Variants in ZCCHC14 observed in about 807,000 individuals in gnomAD.
ZCCHC14 encodes the protein zinc finger CCHC domain-containing protein 14.
ZCCHC14 carries 16 observed loss-of-function variants against 85.0 expected under a neutral mutation model. The observed-to-expected ratio is 0.19, with a 90% CI of 0.13 to 0.29. The LOEUF is 0.29. Among genes scored for constraint, ZCCHC14 ranks in the 10% least tolerant of loss-of-function variants. The pLI is 1.00. For missense variants in ZCCHC14, 1,303 were observed against 1,443.5 expected, an observed-to-expected ratio of 0.90 and a Z score of 1.58; for synonymous variants, 775 against 630.7, an observed-to-expected ratio of 1.23 and a Z score of -3.43.
At chr16:87,446,408 T>A (rs1052090282) in intron 2 of ZCCHC14, among the ~76,000 whole-genome samples, 1 of 150,186 alleles carries the variant, frequency 6.7e-6, no homozygotes, top group African/African-American at 2.5e-5. Context: ...CACTCGAACC[T>A]GGAAGGCAGA....
chr16:87,464,579 C>T (rs1337877463), intron 1 of ZCCHC14, among the ~76,000 whole-genome samples: 3 of 152,192 alleles, frequency 2.0e-5, no homozygotes, highest in African/African-American at 7.2e-5. Context: ...GCCACCCTAG[C>T]AAAACACACA....
At chr16:87,433,638 C>G (rs1597415066) in intron 2 of ZCCHC14, among the ~76,000 whole-genome samples, 1 of 152,254 alleles carries the variant, frequency 6.6e-6, no homozygotes, top group African/African-American at 2.4e-5. Context: ...AACACAGTCA[C>G]CTGGGGGGTC....
At position 87,411,526 on chromosome 16, in the gene ZCCHC14, G is replaced by C; in HGVS notation, c.3195C>G (p.Phe1065Leu). 3 of 1,613,522 alleles carry C rather than the reference G, an allele frequency of 1.9e-6. No homozygotes were observed. The highest frequency in any genetic ancestry group is 2.5e-6 in the Non-Finnish European group (3 of 1,180,024). ...AQDCKQPSMD[F>L]NRPGTFRLKY... ...ATGGCGCGCGCTTACCTGGCCGGTTGAAGTCCATGGACGGCTGTTTGCAGT... is the reference window on the plus strand; with the variant it reads ...ATGGCGCGCGCTTACCTGGCCGGTTCAAGTCCATGGACGGCTGTTTGCAGT... The change falls in exon 12 of 13, where the codon TTC becomes TTG. Residue 1065 changes from phenylalanine to leucine, a missense_variant. Transcript: ENST00000671377.
intron 1 of ZCCHC14, among the ~76,000 whole-genome samples, chr16:87,469,879 G>T (rs942953335): frequency 6.6e-6 from 1 of 152,168 alleles, no homozygotes; most frequent in Admixed American, 6.5e-5. Context: ...CGTGTTCCCT[G>T]CACTGGGGGC....
intron 1 of ZCCHC14, chr16:87,470,793 T>A (rs1702985209): frequency 6.6e-6 from 1 of 152,230 alleles, no homozygotes; most frequent in African/African-American, 2.4e-5. Flanking sequence ...AGAACGTACA[T>A]CAGTTGTGTG....
intron 4 of ZCCHC14, among the ~76,000 whole-genome samples, chr16:87,422,718 AGAGT>A (rs745814413): frequency 2.0e-5 from 3 of 151,988 alleles, no homozygotes; most frequent in East Asian, 3.9e-4. Context: ...TCTGGACAAC[AGAGT>A]GAGACTCCAT....
intron 8 of ZCCHC14, 87 bp from the exon 9 acceptor site, chr16:87,415,454 T>C (rs1003484975): frequency 9.5e-6 from 11 of 1,160,784 alleles, no homozygotes; most frequent in Admixed American, 3.7e-5. Flanking sequence ...TCAGTACATT[T>C]ATTCTGCCTC....
chr16:87,447,401 G>A (rs1220041316), intron 2 of ZCCHC14, among the ~76,000 whole-genome samples: 1 of 152,108 alleles, frequency 6.6e-6, no homozygotes, highest in Non-Finnish European at 1.5e-5. Context: ...ATGCCCATGT[G>A]ATCACTAATC....
At chr16:87,433,246 GTA>G in intron 2 of ZCCHC14, 45 bp from the exon 3 acceptor site, 1 of 1,548,774 alleles carries the variant, frequency 6.5e-7, no homozygotes, top group South Asian at 1.1e-5. Context: ...AGAGCTTGAA[GTA>G]TATACATGAT....
chr16:87,420,926 G>A lies in ZCCHC14; in HGVS notation c.841-210C>T, dbSNP rs868475235. On this transcript the variant is annotated intron_variant, in intron 4 of 12. Transcript: ENST00000671377. The surrounding 1 kb of genome is among the most constrained non-coding windows in gnomAD (Gnocchi z 5.0). Reference sequence around the variant, plus strand: ...GAACATCGCTCTCACAGTTACATCCGGAAAAGCTTGACAATCTGCACAATC... The same window carrying A: ...GAACATCGCTCTCACAGTTACATCCAGAAAAGCTTGACAATCTGCACAATC... Among the ~76,000 whole-genome samples, 8 of 152,216 alleles carry A rather than the reference G, an allele frequency of 5.3e-5. No homozygotes were observed. The highest frequency in any genetic ancestry group is 1.9e-4 in the East Asian group (1 of 5,188).
At chr16:87,427,007 G>C (rs958239956) in intron 3 of ZCCHC14, among the ~76,000 whole-genome samples, 1 of 152,242 alleles carries the variant, frequency 6.6e-6, no homozygotes, top group African/African-American at 2.4e-5. Context: ...GACGGGACGC[G>C]GGCTCGCGTG....
At chr16:87,485,590 CA>C (rs35083614) in intron 1 of ZCCHC14, among the ~76,000 whole-genome samples, 1,915 of 98,624 alleles carry the variant, frequency 0.019, 28 homozygotes, top group African/African-American at 0.051. Context: ...GGCAGTTTTC[CA>C]AAAAAAAAAA....
In ZCCHC14 at chr16:87,417,755, G is replaced by C; in HGVS notation, c.1101-13C>G. The C allele has an allele frequency of 6.4e-7, 1 of 1,567,598 alleles. No homozygotes were observed. Among genetic ancestry groups the C allele is most frequent in the East Asian group, 2.2e-5 (1 of 44,474 alleles). On this transcript the variant is annotated splice_polypyrimidine_tract_variant and intron_variant, in intron 7 of 12. Transcript: ENST00000671377. ...TCCACACACAGGCCTGTGGGACAGG[G>C]GCAGGAGGGACACAGAGAGACTGTG...
At chr16:87,410,828 G>A (rs1908396502) in intron 12 of ZCCHC14, among the ~76,000 whole-genome samples, 1 of 152,248 alleles carries the variant, frequency 6.6e-6, no homozygotes, top group Non-Finnish European at 1.5e-5. Flanking sequence ...GTTACAGGCA[G>A]GTCTGAGAAT....
intron 1 of ZCCHC14, among the ~76,000 whole-genome samples, chr16:87,478,347 G>T (rs1912116315): frequency 6.6e-6 from 1 of 152,196 alleles, no homozygotes; most frequent in African/African-American, 2.4e-5. Context: ...TTTTAGAATA[G>T]GCGAAACTGA....
chr16:87,462,891 G>GA (rs1911339957), intron 1 of ZCCHC14, among the ~76,000 whole-genome samples: 1 of 151,918 alleles, frequency 6.6e-6, no homozygotes, highest in South Asian at 2.1e-4. Context: ...CCAACATGGT[G>GA]AAACCCGTCT....
chr16:87,457,437 T>C lies in ZCCHC14; in HGVS notation c.694+2571A>G, dbSNP rs188240487. Among the ~76,000 whole-genome samples the C allele has an allele frequency of 5.9e-5, 9 of 152,258 alleles. No homozygotes were observed. In the East Asian group the frequency reaches 1.5e-3, roughly 26 times the overall value. ...CAGTTCTCCCATCTGTAAAATGGGG[T>C]AAAAATCACCACATGGGATCAGTTA... On this transcript the variant is annotated intron_variant, in intron 2 of 12. Coordinates refer to ENST00000671377, the MANE Select transcript of ZCCHC14 (RefSeq NM_015144.3).
intron 1 of ZCCHC14, among the ~76,000 whole-genome samples, chr16:87,484,386 C>T (rs569014356): frequency 2.6e-5 from 4 of 152,114 alleles, no homozygotes; most frequent in South Asian, 2.1e-4. Context: ...AATACTCTTC[C>T]GAAAAAATTG....
Position 87,433,092 on chromosome 16 carries a change from T to A in ZCCHC14, c.768+36A>T, listed in dbSNP as rs769670703. 4.4e-6 allele frequency: 7 copies of A among 1,603,466 alleles called. No homozygotes were observed. In the Admixed American group the frequency reaches 1.2e-4, roughly 27 times the overall value. On this transcript the variant is annotated intron_variant, in intron 3 of 12. Transcript: ENST00000671377. ...CAGGGTAAGTGTTTTCTTCCTAGCC[T>A]TCCAGGAGAGAGGGGAAAAAAACTT...
Sources: gnomAD v4.1 joint callset for allele counts (sites outside exome capture counted in the v4.1 genomes callset) on GRCh38, gnomAD v4.1.1 for gene constraint, Gnocchi (gnomAD v3.1) non-coding constraint, MANE v1.5 for transcripts, NCBI Gene and HGNC (gene_info 2026-07-23, HGNC 2026-07-21) for gene names.